The following TLN2 variants were observed in gnomAD, a reference collection of about 807,000 sequenced individuals.
The protein encoded by TLN2 is talin 2.
Under a neutral mutation model 294.7 loss-of-function variants are expected in TLN2, and 118 were observed. The ratio of observed to expected loss-of-function variants is 0.40; its 90% CI spans 0.34 to 0.47. The LOEUF (loss-of-function observed/expected upper bound fraction) is 0.47, where lower values mean the gene tolerates loss of function less well. TLN2 is among the 20% of genes least tolerant of loss of function. The pLI, the probability that TLN2 is intolerant of heterozygous loss-of-function variation, is 0.84. For synonymous variants in TLN2, 1,431 were observed against 1,304.5 expected, an observed-to-expected ratio of 1.10 and a Z score of -2.09; for missense variants, 3,083 against 3,282.2, an observed-to-expected ratio of 0.94 and a Z score of 1.48.
intron 55 of TLN2, 65 bp from the exon 56 acceptor site, chr15:62,835,672 G>A (rs2069449957): frequency 1.9e-6 from 3 of 1,580,500 alleles, no homozygotes; most frequent in Non-Finnish European, 2.6e-6. Flanking sequence ...AAGGTCTGGG[G>A]ATGAGGGGCT....
At chr15:62,588,948 G>A (rs890385292) in intron 1 of TLN2, among the ~76,000 whole-genome samples, 3 of 151,740 alleles carry the variant, frequency 2.0e-5, no homozygotes, top group African/African-American at 4.8e-5. Flanking sequence ...AGAGAGAGAT[G>A]TAGAGTTTTC....
At chr15:62,717,506 G>A (rs559885291) in intron 23 of TLN2, 70 bp from the exon 24 acceptor site, 3 of 1,095,098 alleles carry the variant, frequency 2.7e-6, no homozygotes, top group Non-Finnish European at 3.7e-6. Flanking sequence ...ACTCTGTGGT[G>A]GAAGTGACCT....
chr15:62,601,190 T>G (rs2046971966), intron 2 of TLN2, among the ~76,000 whole-genome samples: 1 of 152,172 alleles, frequency 6.6e-6, no homozygotes, highest in Admixed American at 6.5e-5. Flanking sequence ...TCTGGAGACA[T>G]TTTTGGTTGT....
chr15:62,476,079 C>T (rs1182120067), intron 1 of TLN2, among the ~76,000 whole-genome samples: 6 of 152,144 alleles, frequency 3.9e-5, no homozygotes, highest in African/African-American at 9.7e-5. Flanking sequence ...CTGGACTCCA[C>T]GGTGGGATAT....
At chr15:62,470,580 T>G (rs983954191) in intron 1 of TLN2, among the ~76,000 whole-genome samples, 6 of 152,218 alleles carry the variant, frequency 3.9e-5, no homozygotes, top group African/African-American at 1.4e-4. Context: ...CTGATGCCCC[T>G]GCCCCCAGCA....
chr15:62,783,758 T>C lies in TLN2; in HGVS notation c.5617-13T>C. On this transcript the variant is annotated splice_polypyrimidine_tract_variant and intron_variant, in intron 44 of 58. Coordinates refer to ENST00000636159, the MANE Select transcript of TLN2 (RefSeq NM_015059.3). ...GTGTGTGTGTGTGTGTCTTGCTTGT[T>C]TTCTTTTTCCAGATGACTAAGTCGG... The C allele has an allele frequency of 6.3e-7, 1 of 1,590,240 alleles. No individual in the cohort carries two copies. Among genetic ancestry groups the C allele is most frequent in the Non-Finnish European group, 8.6e-7 (1 of 1,162,296 alleles).
At chr15:62,761,872 G>A (rs930026082) in intron 38 of TLN2, 51 bp downstream of exon 38, 2 of 1,606,938 alleles carry the variant, frequency 1.2e-6, no homozygotes, top group South Asian at 1.1e-5. Flanking sequence ...CTAACTTTGT[G>A]TGGCACCAAA....
chr15:62,707,059 G>A (rs779488155), intron 19 of TLN2, 27 bp from the exon 20 acceptor site: 3 of 1,579,738 alleles, frequency 1.9e-6, no homozygotes, highest in Non-Finnish European at 2.6e-6. Context: ...AAAAATAAAT[G>A]AATAGTCTTT....
chr15:62,839,961 C>A (rs902672657), intron 58 of TLN2, among the ~76,000 whole-genome samples: 2 of 152,168 alleles, frequency 1.3e-5, no homozygotes, highest in Admixed American at 1.3e-4. Context: ...CCACACAATA[C>A]CTATCAGCAA....
At chr15:62,661,797 TGTAGCTGCTGGAG>T (rs1045706627) in intron 9 of TLN2, among the ~76,000 whole-genome samples, 2 of 152,092 alleles carry the variant, frequency 1.3e-5, no homozygotes, top group African/African-American at 4.8e-5. Flanking sequence ...AAATCAAAAA[TGTAGCTGCTGGAG>T]CAGCTACATT....
intron 2 of TLN2, among the ~76,000 whole-genome samples, chr15:62,612,244 C>G (rs1439509653): frequency 6.6e-6 from 1 of 152,186 alleles, no homozygotes; most frequent in Non-Finnish European, 1.5e-5. Context: ...TCCCTTTTGT[C>G]AGAGTGCTGG....
In TLN2 at chr15:62,792,708, C is replaced by T; in HGVS notation, c.5804C>T (p.Ala1935Val). The stretch of plus-strand genomic sequence containing the variant: ...GGCTGTATCTTCCTGGTGCAGAAGG[C>T]AGGGGCCCTCCAGGTCTGCCCCACA... ...GHGCIFLVQK[A>V]GALQVCPTDS... The change falls in exon 46 of 59, where the codon GCA becomes GTA. Residue 1935 changes from alanine (A) to valine (V), a missense_variant. Physicochemically the swap from Ala to Val is moderately conservative, Grantham distance 64. Transcript: ENST00000636159. 6.2e-7 allele frequency: 1 copy of T among 1,614,056 alleles called. No individual in the cohort carries two copies. The highest frequency in any genetic ancestry group is 1.1e-5 in the South Asian group (1 of 91,084).
At chr15:62,805,570 T>G (rs375695898) in intron 50 of TLN2, 30 bp from the exon 51 acceptor site, 5 of 1,553,104 alleles carry the variant, frequency 3.2e-6, no homozygotes, top group Non-Finnish European at 4.4e-6. Flanking sequence ...CCTTTTTGAT[T>G]TTTTTAACCT....
At chr15:62,499,893 G>A (rs985022282) in intron 1 of TLN2, among the ~76,000 whole-genome samples, 3 of 151,940 alleles carry the variant, frequency 2.0e-5, no homozygotes, top group Non-Finnish European at 4.4e-5. Context: ...ATAAGCCACC[G>A]CTCCTGGCTG....
chr15:62,646,083 T>C (rs187382359), intron 3 of TLN2, among the ~76,000 whole-genome samples: 1 of 152,302 alleles, frequency 6.6e-6, no homozygotes, highest in East Asian at 1.9e-4. Flanking sequence ...AACTTACATT[T>C]TTAAAAGAAA....
chr15:62,769,181 T>C (rs1208364925), intron 41 of TLN2, among the ~76,000 whole-genome samples: 1 of 152,236 alleles, frequency 6.6e-6, no homozygotes, highest in Non-Finnish European at 1.5e-5. Context: ...CATATAAGAT[T>C]CTAATGCATT....
At chr15:62,440,012 C>G (rs2035473457) in intron 1 of TLN2, among the ~76,000 whole-genome samples, 1 of 152,138 alleles carries the variant, frequency 6.6e-6, no homozygotes, top group Admixed American at 6.5e-5. Flanking sequence ...GGATTTTAGA[C>G]AGGGCAGGAT....
intron 1 of TLN2, among the ~76,000 whole-genome samples, chr15:62,481,721 C>A (rs956975055): frequency 6.6e-6 from 1 of 150,972 alleles, no homozygotes; most frequent in Admixed American, 6.6e-5. Flanking sequence ...ATTTAAAAAA[C>A]TAATATGGAT....
At chr15:62,512,872 G>C (rs980568940) in intron 1 of TLN2, among the ~76,000 whole-genome samples, 1 of 152,154 alleles carries the variant, frequency 6.6e-6, no homozygotes, top group African/African-American at 2.4e-5. Context: ...ATTGGTAACA[G>C]TATCTGTTTC....
Sources: allele counts gnomAD v4.1 joint callset (sites outside exome capture counted in the v4.1 genomes callset), GRCh38; gene constraint gnomAD v4.1.1; transcripts MANE v1.5; gene names NCBI Gene and HGNC (gene_info 2026-07-23, HGNC 2026-07-21).